Variants in ELK3 observed in about 807,000 individuals in gnomAD.
ELK3 encodes ETS transcription factor ELK3, also known as ETS domain-containing protein Elk-3.
ELK3 carries 10 observed loss-of-function variants against 28.9 expected under a neutral mutation model. The observed-to-expected ratio is 0.35, with a 90% confidence interval of 0.21 to 0.59. The LOEUF (loss-of-function observed/expected upper bound fraction) is 0.59, where lower values mean the gene tolerates loss of function less well. Among genes scored for constraint, ELK3 ranks in the 20% least tolerant of loss-of-function variants. The probability of loss-of-function intolerance (pLI) is 0.82; values close to 1 mark genes in which losing one functional copy is unlikely to be tolerated. For missense variants in ELK3, 463 were observed against 517.3 expected (o/e 0.90, Z 1.02); for synonymous variants, 272 against 243.5 (o/e 1.12, Z -1.09).
chr12:96,214,380 G>A (rs956774653), intron 1 of ELK3, among the ~76,000 whole-genome samples: 4 of 151,328 alleles, frequency 2.6e-5, no homozygotes, highest in Non-Finnish European at 4.4e-5. Flanking sequence ...GCAGTGAACC[G>A]AGATCACACC....
intron 1 of ELK3, among the ~76,000 whole-genome samples, chr12:96,219,431 C>A (rs1951647301): frequency 6.6e-6 from 1 of 152,206 alleles, no homozygotes; most frequent in Admixed American, 6.5e-5. Flanking sequence ...TGTTTTCCAA[C>A]ACCCCAGAGG....
intron 2 of ELK3, among the ~76,000 whole-genome samples, chr12:96,238,902 G>A (rs535780989): frequency 2.6e-5 from 4 of 152,090 alleles, no homozygotes; most frequent in Non-Finnish European, 4.4e-5. Flanking sequence ...TGGCCCTGTC[G>A]GATTTACTTT....
intron 1 of ELK3, among the ~76,000 whole-genome samples, chr12:96,220,378 C>T (rs979676021): frequency 6.1e-4 from 79 of 130,088 alleles, no homozygotes; most frequent in African/African-American, 2.2e-3. Flanking sequence ...CATACTTTTT[C>T]GTGATTTTTT....
At chr12:96,199,270 T>G (rs570645825) in intron 1 of ELK3, among the ~76,000 whole-genome samples, 7 of 152,332 alleles carry the variant, frequency 4.6e-5, no homozygotes, top group Non-Finnish European at 8.8e-5. Context: ...TTTTGTACAT[T>G]TTAACAACTC....
intron 2 of ELK3, 148 bp from the exon 3 acceptor site, chr12:96,246,792 C>A: frequency 1.2e-6 from 1 of 803,418 alleles, no homozygotes; most frequent in Non-Finnish European, 1.9e-6. Flanking sequence ...CTACTTCCAA[C>A]TTCATTCCTC....
intron 4 of ELK3, among the ~76,000 whole-genome samples, chr12:96,264,008 G>A (rs745805670): frequency 2.0e-5 from 3 of 152,154 alleles, no homozygotes; most frequent in African/African-American, 4.8e-5. Flanking sequence ...AGATGAGCTC[G>A]CTGTGCTGCC....
At chr12:96,240,329 C>T (rs1029808265) in intron 2 of ELK3, among the ~76,000 whole-genome samples, 3 of 152,078 alleles carry the variant, frequency 2.0e-5, no homozygotes, top group African/African-American at 7.2e-5. Flanking sequence ...TCTGTTTTTG[C>T]TTAAATGGGA....
chr12:96,199,909 TACTC>T (rs975227073), intron 1 of ELK3, among the ~76,000 whole-genome samples: 3 of 152,190 alleles, frequency 2.0e-5, no homozygotes, highest in Admixed American at 6.5e-5. Flanking sequence ...GAAATGAATT[TACTC>T]ACACACTCTA....
chr12:96,207,952 G>A (rs1463799779), intron 1 of ELK3, among the ~76,000 whole-genome samples: 3 of 152,200 alleles, frequency 2.0e-5, no homozygotes, highest in African/African-American at 7.2e-5. Context: ...CCATATCTGT[G>A]TACCATTTAA....
chr12:96,263,201 G>T (rs2367900), intron 4 of ELK3, among the ~76,000 whole-genome samples: 137,173 of 152,150 alleles, frequency 0.9, 61,809 homozygotes, highest in East Asian at 0.95. Context: ...TAGCAGATAT[G>T]AAAGAATTCC....
intron 2 of ELK3, among the ~76,000 whole-genome samples, chr12:96,241,318 G>A (rs1951819244): frequency 6.6e-6 from 1 of 152,006 alleles, no homozygotes; most frequent in South Asian, 2.1e-4. Flanking sequence ...ACCTAGCACT[G>A]CATATGCTTT....
At chr12:96,205,464 G>A (rs998395768) in intron 1 of ELK3, among the ~76,000 whole-genome samples, 2 of 152,066 alleles carry the variant, frequency 1.3e-5, no homozygotes, top group Non-Finnish European at 2.9e-5. Flanking sequence ...AGAGGGCATT[G>A]GATGGTTTCT....
At chr12:96,246,159 C>T (rs1197907963) in intron 2 of ELK3, among the ~76,000 whole-genome samples, 2 of 152,202 alleles carry the variant, frequency 1.3e-5, no homozygotes, top group African/African-American at 4.8e-5. Flanking sequence ...TTCTGACTCG[C>T]AGAGGTAGGT....
intron 2 of ELK3, among the ~76,000 whole-genome samples, chr12:96,228,297 G>A (rs190324195): frequency 0.015 from 2,238 of 151,514 alleles, 42 homozygotes; most frequent in Admixed American, 0.058. Flanking sequence ...GCACACCTGT[G>A]GTCCCAGTTA....
intron 1 of ELK3, among the ~76,000 whole-genome samples, chr12:96,202,104 A>C (rs927110124): frequency 6.6e-6 from 1 of 152,146 alleles, no homozygotes; most frequent in African/African-American, 2.4e-5. Flanking sequence ...GAGGGTTCTT[A>C]CATTCCTCTG....
At chr12:96,218,543 T>C (rs1951637179) in intron 1 of ELK3, among the ~76,000 whole-genome samples, 1 of 151,658 alleles carries the variant, frequency 6.6e-6, no homozygotes. Flanking sequence ...GTGGGTATGC[T>C]AGAAGCCCAA....
chr12:96,198,520 T>C (rs931463222), intron 1 of ELK3, among the ~76,000 whole-genome samples: 2 of 152,238 alleles, frequency 1.3e-5, no homozygotes, highest in Admixed American at 6.5e-5. Context: ...TTTTCTTGTA[T>C]GTTTCAGGCA....
chr12:96,237,374 C>T (rs1951792258), intron 2 of ELK3, among the ~76,000 whole-genome samples: 1 of 152,096 alleles, frequency 6.6e-6, no homozygotes, highest in African/African-American at 2.4e-5. Context: ...AGTCCAGGAT[C>T]ATAAGATGCT....
In ELK3 at chr12:96,223,635, G is replaced by A. The variant is rs1157681184; in HGVS notation, c.69G>A (p.Leu23=). 1.9e-6 allele frequency: 3 copies of A among 1,614,072 alleles called. No homozygotes were observed. Among genetic ancestry groups the A allele is most frequent in the Non-Finnish European group, 8.5e-7 (1 of 1,180,052 alleles). The change falls in exon 2 of 5, where the codon TTG becomes TTA. Residue 23 remains leucine, a synonymous_variant. Transcript: ENST00000228741. ...QLLLDQKHEH[L]ICWTSNDGEF... is the part of the protein sequence containing the mutation. ...TGCTGGATCAGAAACATGAGCATTT[G>A]ATCTGCTGGACCTCGAACGATGGTG...
Sources: allele counts gnomAD v4.1 joint callset (sites outside exome capture counted in the v4.1 genomes callset), GRCh38; gene constraint gnomAD v4.1.1; transcripts MANE v1.5; gene names NCBI Gene and HGNC (gene_info 2026-07-23, HGNC 2026-07-21).